The following XIRP2 variants were observed in gnomAD, a reference collection of about 807,000 sequenced individuals.
XIRP2 encodes the protein xin actin binding repeat containing 2, also known as xin actin-binding repeat-containing protein 2.
XIRP2 carries 236 observed loss-of-function variants against 277.0 expected under a neutral mutation model. The ratio of observed to expected loss-of-function variants is 0.85; its 90% CI spans 0.77 to 0.95. XIRP2 has a LOEUF of 0.95. Ranked by LOEUF, XIRP2 falls within the 40% of genes least tolerant of loss-of-function variation. The pLI, the probability that XIRP2 is intolerant of heterozygous loss-of-function variation, is 0.00. For missense variants in XIRP2, 4,640 were observed against 4,157.5 expected, an observed-to-expected ratio of 1.12 and a Z score of -3.19; for synonymous variants, 1,490 against 1,416.5, an observed-to-expected ratio of 1.05 and a Z score of -1.17.
chr2:167,047,280 T>C (rs1688808058), intron 2 of XIRP2, among the ~76,000 whole-genome samples: 2 of 152,004 alleles, frequency 1.3e-5, no homozygotes, highest in African/African-American at 4.8e-5. Context: ...TTATGATAGC[T>C]ATAAACAATA....
In XIRP2 at chr2:167,251,995, T is replaced by C. The variant is rs1424274250; in HGVS notation, c.10555+48T>C. 5.3e-6 allele frequency: 8 copies of C among 1,512,322 alleles called. No individual in the cohort carries two copies. The African/African-American group carries it at 8.4e-5, about 16-fold the overall frequency. 93.7% of individuals were successfully genotyped at this position (1,512,322 alleles called of 1,614,324 possible). A position where few individuals can be genotyped will look rare whatever the true frequency, so the allele number is the denominator to read the frequency against. On this transcript the variant is annotated intron_variant, in intron 9 of 10. Coordinates refer to ENST00000409195, the MANE Select transcript of XIRP2 (RefSeq NM_152381.6). ...AAAGAAGATTAACCATTTAAAGGCA[T>C]GTGTTCCATAGCCAAAATGATGTAC...
At chr2:167,076,191 T>G (rs1413887167) in intron 2 of XIRP2, among the ~76,000 whole-genome samples, 2 of 152,176 alleles carry the variant, frequency 1.3e-5, no homozygotes, top group Non-Finnish European at 2.9e-5. Context: ...ATGTAAATGA[T>G]CTTAAATTGT....
chr2:167,150,904 C>T (rs1691997340), intron 3 of XIRP2, among the ~76,000 whole-genome samples: 1 of 151,936 alleles, frequency 6.6e-6, no homozygotes, highest in South Asian at 2.1e-4. Flanking sequence ...TATTTAATTC[C>T]ATGTATTTTA....
At chr2:167,088,729 C>T (rs988997284) in intron 2 of XIRP2, among the ~76,000 whole-genome samples, 1 of 152,154 alleles carries the variant, frequency 6.6e-6, no homozygotes, top group African/African-American at 2.4e-5. Context: ...ATGCTCCTTG[C>T]TTTCTCAACT....
chr2:167,199,617 T>C (rs1573951841), intron 3 of XIRP2, among the ~76,000 whole-genome samples: 2 of 152,158 alleles, frequency 1.3e-5, no homozygotes, highest in African/African-American at 4.8e-5. Context: ...GAGGCCATAA[T>C]TGTTTTAGGG....
At chr2:167,139,790 G>A (rs1020688344) in intron 3 of XIRP2, among the ~76,000 whole-genome samples, 7 of 152,126 alleles carry the variant, frequency 4.6e-5, no homozygotes, top group South Asian at 2.1e-4. Flanking sequence ...ATATCTGTGC[G>A]GTCCAATATG....
intron 3 of XIRP2, among the ~76,000 whole-genome samples, chr2:167,188,942 G>A (rs554031708): frequency 6.6e-6 from 1 of 152,340 alleles, no homozygotes; most frequent in Admixed American, 6.5e-5. Context: ...ATGGAAAAAT[G>A]TCAGTTTGGG....
chr2:167,219,831 G>T (rs1024632345), intron 5 of XIRP2, among the ~76,000 whole-genome samples: 1 of 152,194 alleles, frequency 6.6e-6, no homozygotes, highest in African/African-American at 2.4e-5. Flanking sequence ...TTACTATGGA[G>T]GTTTAATGTG....
chr2:167,217,641 ATAAG>A (rs1694295281), intron 4 of XIRP2, among the ~76,000 whole-genome samples: 1 of 152,216 alleles, frequency 6.6e-6, no homozygotes. Context: ...ACAAAATCAC[ATAAG>A]TAGTCTCATT....
intron 2 of XIRP2, among the ~76,000 whole-genome samples, chr2:166,924,933 G>A (rs1574082779): frequency 6.6e-6 from 1 of 152,104 alleles, no homozygotes; most frequent in East Asian, 1.9e-4. Flanking sequence ...TTTGTATTTT[G>A]TCTCTTAACC....
rs778614111 is a variant in XIRP2 at position 167,249,422 on chromosome 2, A to G, written c.8030A>G (p.Gln2677Arg). ...TCCAAATCAGCTTGCGAAATTAAAC[A>G]AAGTCACCAAGAATGTAGTACCCAA... ...MQSKSACEIK[Q>R]SHQECSTQQT... The change falls in exon 9 of 11, where the codon CAA becomes CGA. Residue 2677 changes from glutamine to arginine, a missense_variant. Physicochemically the swap from Gln to Arg is conservative, Grantham distance 43 (BLOSUM62 1). Transcript: ENST00000409195. 3.7e-6 allele frequency: 6 copies of G among 1,613,706 alleles called. No homozygotes were observed. Among genetic ancestry groups the G allele is most frequent in the South Asian group, 1.1e-5 (1 of 91,084 alleles).
At chr2:166,960,180 A>G (rs1686265169) in intron 2 of XIRP2, among the ~76,000 whole-genome samples, 1 of 151,760 alleles carries the variant, frequency 6.6e-6, no homozygotes, top group Non-Finnish European at 1.5e-5. Flanking sequence ...CAAGAATATC[A>G]CAACCTTGGA....
intron 5 of XIRP2, among the ~76,000 whole-genome samples, chr2:167,235,543 T>C (rs1364377590): frequency 1.3e-5 from 2 of 151,916 alleles, no homozygotes; most frequent in Admixed American, 1.3e-4. Context: ...TGAGGATGCA[T>C]GTGATAGACA....
intron 2 of XIRP2, among the ~76,000 whole-genome samples, chr2:166,977,231 G>A (rs555692680): frequency 6.6e-6 from 1 of 151,984 alleles, no homozygotes; most frequent in South Asian, 2.1e-4. Flanking sequence ...CTTGAACTTT[G>A]CTGAGCTTGA....
At chr2:166,955,370 T>G (rs1686135501) in intron 2 of XIRP2, among the ~76,000 whole-genome samples, 1 of 151,776 alleles carries the variant, frequency 6.6e-6, no homozygotes, top group Admixed American at 6.6e-5. Flanking sequence ...GGCAGATCTA[T>G]AGAGACAGAA....
At chr2:167,223,465 A>G (rs373287121) in intron 5 of XIRP2, among the ~76,000 whole-genome samples, 16 of 152,320 alleles carry the variant, frequency 1.1e-4, no homozygotes, top group Admixed American at 5.9e-4. Flanking sequence ...CTGTAAGATT[A>G]TGCAGATTTG....
At chr2:167,077,470 CT>C (rs1689601118) in intron 2 of XIRP2, among the ~76,000 whole-genome samples, 1 of 151,620 alleles carries the variant, frequency 6.6e-6, no homozygotes, top group Non-Finnish European at 1.5e-5. Flanking sequence ...CATTTCACAG[CT>C]GATTTTCAAG....
intron 2 of XIRP2, among the ~76,000 whole-genome samples, chr2:166,940,411 G>A (rs1218378211): frequency 6.6e-6 from 1 of 152,182 alleles, no homozygotes; most frequent in Non-Finnish European, 1.5e-5. Flanking sequence ...TTAGCTTGGA[G>A]AAGTTTGATC....
At chr2:167,223,944 G>A (rs148613717) in intron 5 of XIRP2, among the ~76,000 whole-genome samples, 103 of 152,292 alleles carry the variant, frequency 6.8e-4, no homozygotes, top group African/African-American at 2.3e-3. Flanking sequence ...TCCACTTTGT[G>A]CTGCTATGAC....
Sources: allele counts gnomAD v4.1 joint callset (sites outside exome capture counted in the v4.1 genomes callset), GRCh38; gene constraint gnomAD v4.1.1; transcripts MANE v1.5; gene names NCBI Gene and HGNC (gene_info 2026-07-23, HGNC 2026-07-21).